SLC44A1: variants seen among roughly 807,000 people sequenced by gnomAD.
SLC44A1 encodes choline transporter-like protein 1.
A neutral mutation model predicts 79.3 loss-of-function variants in SLC44A1; 26 were observed. That is an observed-to-expected ratio of 0.33 (90% CI 0.24 to 0.46). The LOEUF (loss-of-function observed/expected upper bound fraction) is 0.46, where lower values mean the gene tolerates loss of function less well. Ranked by LOEUF, SLC44A1 falls within the 20% of genes least tolerant of loss-of-function variation. The pLI, the probability that SLC44A1 is intolerant of heterozygous loss-of-function variation, is 1.00. For missense variants in SLC44A1, 688 were observed against 798.1 expected, an observed-to-expected ratio of 0.86 and a Z score of 1.66; for synonymous variants, 263 against 286.2, an observed-to-expected ratio of 0.92 and a Z score of 0.82.
rs1448904767 is a variant in SLC44A1 at position 105,362,840 on chromosome 9, T to C, written c.920T>C (p.Met307Thr). 2.5e-6 allele frequency: 4 copies of C among 1,606,082 alleles called. No individual in the cohort carries two copies. The African/African-American group carries it at 4.0e-5, about 16-fold the overall frequency. The change falls in exon 9 of 16, where the codon ATG (methionine) becomes ACG (threonine). Residue 307 changes from methionine to threonine, a missense_variant. Coordinates refer to ENST00000374720, the MANE Select transcript of SLC44A1 (RefSeq NM_080546.5). ...ATACAGGTGATCTTATTCCTGATAA[T>C]GTTGGTTATGCGCAAACGTGTTGCT... is the stretch of plus-strand genomic sequence containing the variant. ...TVFTVILFLI[M>T]LVMRKRVALT...
Position 105,394,509 on chromosome 9 carries a change from C to CA in SLC44A1, c.*5466dup, listed in dbSNP as rs58361552. 1.5e-3 allele frequency: 1,441 copies of CA among 930,510 alleles called. 9 individuals are homozygous for CA. In the African/African-American group the frequency reaches 0.024, roughly 16 times the overall value. The allele number at this position is 930,510 out of a possible 1,614,324, so 57.6% of individuals were successfully genotyped here. On this transcript the variant is annotated 3_prime_UTR_variant, in exon 16 of 16. Transcript: ENST00000374720. ...AGGTACCAGATTATTTGCAGTGAGCCAAAAAAAAAAAAATATCCAAGAAGA... is the reference window on the plus strand; with the variant it reads ...AGGTACCAGATTATTTGCAGTGAGCCAAAAAAAAAAAAAATATCCAAGAAGA...
At chr9:105,329,428 G>GT (rs1467000730) in intron 3 of SLC44A1, among the ~76,000 whole-genome samples, 1 of 152,150 alleles carries the variant, frequency 6.6e-6, no homozygotes, top group Non-Finnish European at 1.5e-5. Flanking sequence ...AGCAGATCTA[G>GT]TATCTGCTTG....
At chr9:105,405,973 C>G (rs926367619) in intron 15 of SLC44A1, among the ~76,000 whole-genome samples, 11 of 152,166 alleles carry the variant, frequency 7.2e-5, no homozygotes, top group Non-Finnish European at 1.3e-4. Flanking sequence ...GGGCTTGACA[C>G]AGGAAGGACC....
At chr9:105,288,525 T>G (rs1308869544) in intron 1 of SLC44A1, among the ~76,000 whole-genome samples, 1 of 152,144 alleles carries the variant, frequency 6.6e-6, no homozygotes, top group Non-Finnish European at 1.5e-5. Flanking sequence ...ATTTTTTAAT[T>G]ATTTATAGAG....
intron 1 of SLC44A1, among the ~76,000 whole-genome samples, chr9:105,258,588 G>A (rs1003736171): frequency 1.2e-4 from 18 of 152,204 alleles, no homozygotes; most frequent in African/African-American, 4.3e-4. Flanking sequence ...TCCCTCTGCT[G>A]TTCCAAGGAC....
chr9:105,266,060 C>T (rs925066921), intron 1 of SLC44A1, among the ~76,000 whole-genome samples: 6 of 152,148 alleles, frequency 3.9e-5, no homozygotes, highest in Admixed American at 3.9e-4. Flanking sequence ...TGGGCTCAAA[C>T]AGTCTTCCTG....
chr9:105,303,806 T>A (rs1194141902), intron 2 of SLC44A1, among the ~76,000 whole-genome samples: 2 of 152,316 alleles, frequency 1.3e-5, no homozygotes, highest in East Asian at 3.9e-4. Context: ...TGCTTGCCAG[T>A]GAAACGTGGT....
intron 3 of SLC44A1, among the ~76,000 whole-genome samples, chr9:105,318,576 A>AT (rs1247536581): frequency 6.6e-6 from 1 of 152,048 alleles, no homozygotes; most frequent in Non-Finnish European, 1.5e-5. Context: ...ATTTATGGAG[A>AT]TTTTTTTGTC....
At chr9:105,431,286 T>C (rs1829390449) in intron 15 of SLC44A1, among the ~76,000 whole-genome samples, 1 of 152,258 alleles carries the variant, frequency 6.6e-6, no homozygotes, top group African/African-American at 2.4e-5. Context: ...TGTCCAACTT[T>C]CTTCTTTTGC....
At chr9:105,363,768 A>G (rs913702080) in intron 9 of SLC44A1, among the ~76,000 whole-genome samples, 1 of 152,176 alleles carries the variant, frequency 6.6e-6, no homozygotes, top group Admixed American at 6.5e-5. Flanking sequence ...CCCAGCCCAT[A>G]TTCATGATTT....
chr9:105,422,688 T>C (rs1306638199), intron 15 of SLC44A1, among the ~76,000 whole-genome samples: 1 of 152,126 alleles, frequency 6.6e-6, no homozygotes, highest in Non-Finnish European at 1.5e-5. Flanking sequence ...AGGGCCAAAT[T>C]TGCATTGTAA....
At chr9:105,378,080 T>G (rs1452218375) in intron 13 of SLC44A1, among the ~76,000 whole-genome samples, 1 of 152,140 alleles carries the variant, frequency 6.6e-6, no homozygotes, top group East Asian at 1.9e-4. Context: ...AAACCCCGTC[T>G]CCACTGAAAA....
downstream of SLC44A1, among the ~76,000 whole-genome samples, chr9:105,398,251 T>G (rs962372939): frequency 3.3e-5 from 5 of 152,216 alleles, no homozygotes; most frequent in Non-Finnish European, 5.9e-5. Context: ...CTCTCCTAAT[T>G]TGTTTTGTTA....
intron 1 of SLC44A1, among the ~76,000 whole-genome samples, chr9:105,290,706 T>C (rs1830583576): frequency 6.6e-6 from 1 of 152,250 alleles, no homozygotes; most frequent in Non-Finnish European, 1.5e-5. Flanking sequence ...AATGAAGTCA[T>C]TGGCAATTTA....
chr9:105,261,401 G>A (rs1000724223), intron 1 of SLC44A1, among the ~76,000 whole-genome samples: 10 of 152,136 alleles, frequency 6.6e-5, no homozygotes, highest in Non-Finnish European at 1.3e-4. Context: ...CATTTTCTCA[G>A]TGCCTGCCTG....
In SLC44A1 at chr9:105,299,201, A is replaced by G. The variant is rs1472627821; in HGVS notation, c.37-19A>G. ...TAAACTTAGCATTTAACACTCTCTT[A>G]TTTTGTATTTCCAATTAGAGCTCCA... On this transcript the variant is annotated intron_variant, in intron 1 of 15. Coordinates refer to ENST00000374720, the MANE Select transcript of SLC44A1 (RefSeq NM_080546.5). 6.4e-7 allele frequency: 1 copy of G among 1,567,456 alleles called. No homozygotes were observed.
rs1828840111 is a variant in SLC44A1 at position 105,394,632 on chromosome 9, G to C, written c.*5576G>C. On this transcript the variant is annotated 3_prime_UTR_variant, in exon 16 of 16. Coordinates refer to ENST00000374720, the MANE Select transcript of SLC44A1 (RefSeq NM_080546.5). ...ACATTATGACATTATGTGGCTTAGT[G>C]TTATCAGTATACTACTGTCTTAAAA... 7.1e-6 allele frequency: 7 copies of C among 985,096 alleles called. No individual in the cohort carries two copies. The highest frequency in any genetic ancestry group is 3.5e-5 in the African/African-American group (2 of 57,178). The allele number at this position is 985,096 out of a possible 1,614,324, so 61.0% of individuals were successfully genotyped here.
At chr9:105,304,943 CGTTTTTTTTTTTTTT>C (rs1830978940) in intron 2 of SLC44A1, among the ~76,000 whole-genome samples, 1 of 22,772 alleles carries the variant, frequency 4.4e-5, no homozygotes, top group African/African-American at 8.8e-5. Context: ...GACTTTCTAT[CGTTTTTTTTTTTTTT>C]TTTTTTTTTT....
chr9:105,417,559 A>C (rs1829187661), intron 15 of SLC44A1, among the ~76,000 whole-genome samples: 1 of 152,174 alleles, frequency 6.6e-6, no homozygotes, highest in African/African-American at 2.4e-5. Flanking sequence ...TTTACCTGGC[A>C]AAAGGAGCTA....
Sources: allele counts gnomAD v4.1 joint callset (sites outside exome capture counted in the v4.1 genomes callset), GRCh38; gene constraint gnomAD v4.1.1; transcripts MANE v1.5; gene names NCBI Gene and HGNC (gene_info 2026-07-23, HGNC 2026-07-21).